Variants in BCL2L13 observed in about 807,000 individuals in gnomAD.
The protein encoded by BCL2L13 is BCL2 like 13.
In BCL2L13, 13 loss-of-function variants were observed where a neutral mutation model predicts 25.8. The ratio of observed to expected loss-of-function variants is 0.50; its 90% CI spans 0.33 to 0.80. The LOEUF (loss-of-function observed/expected upper bound fraction) is 0.80. BCL2L13 is among the 30% of genes least tolerant of loss of function. The probability of loss-of-function intolerance (pLI) is 0.02; values close to 1 mark genes in which losing one functional copy is unlikely to be tolerated. For missense variants in BCL2L13, 504 were observed against 574.9 expected, an observed-to-expected ratio of 0.88 and a Z score of 1.26; for synonymous variants, 244 against 230.3, an observed-to-expected ratio of 1.06 and a Z score of -0.54.
intron 4 of BCL2L13, among the ~76,000 whole-genome samples, chr22:17,691,787 A>T (rs2060115010): frequency 6.6e-6 from 1 of 152,212 alleles, no homozygotes; most frequent in Non-Finnish European, 1.5e-5. Context: ...AAACAGTGTT[A>T]TGTAAGTTTT....
intron 2 of BCL2L13, among the ~76,000 whole-genome samples, chr22:17,669,847 T>G (rs1478752805): frequency 6.6e-6 from 1 of 152,130 alleles, no homozygotes; most frequent in Admixed American, 6.5e-5. Flanking sequence ...GGGACTCTGT[T>G]TGAGGTCAAA....
At chr22:17,629,800 A>C (rs2057966514) in intron 1 of BCL2L13, among the ~76,000 whole-genome samples, 1 of 147,566 alleles carries the variant, frequency 6.8e-6, no homozygotes, top group Non-Finnish European at 1.5e-5. Context: ...CTACATGTAC[A>C]TTAACACTTT....
intron 6 of BCL2L13, among the ~76,000 whole-genome samples, chr22:17,704,147 G>A (rs940971552): frequency 3.9e-5 from 6 of 151,974 alleles, no homozygotes; most frequent in Non-Finnish European, 8.8e-5. Context: ...AGTGCAGTGC[G>A]CAATTGCAGC....
chr22:17,716,691 C>T (rs765956358), intron 6 of BCL2L13, among the ~76,000 whole-genome samples: 3 of 152,132 alleles, frequency 2.0e-5, no homozygotes, highest in African/African-American at 4.8e-5. Context: ...ATGAGTTTGC[C>T]GGCTTGCTTT....
intron 1 of BCL2L13, among the ~76,000 whole-genome samples, chr22:17,655,326 G>A (rs2058820444): frequency 6.7e-6 from 1 of 150,240 alleles, no homozygotes; most frequent in Non-Finnish European, 1.5e-5. Context: ...AAATAAGCAG[G>A]AGTATACTCT....
intron 1 of BCL2L13, among the ~76,000 whole-genome samples, chr22:17,647,066 C>T (rs1004534365): frequency 1.3e-4 from 20 of 149,120 alleles, no homozygotes; most frequent in African/African-American, 3.0e-4. Context: ...CTCCGCCTCC[C>T]GGGTTCACAC....
At chr22:17,674,520 C>T (rs1185655737) in intron 2 of BCL2L13, among the ~76,000 whole-genome samples, 1 of 150,580 alleles carries the variant, frequency 6.6e-6, no homozygotes, top group Non-Finnish European at 1.5e-5. Context: ...GTGGGAAAAT[C>T]ATTTGAACCC....
intron 6 of BCL2L13, among the ~76,000 whole-genome samples, chr22:17,709,774 TAAAAC>T (rs2060694211): frequency 1.3e-5 from 2 of 151,320 alleles, no homozygotes. Context: ...AGAGTGCTAT[TAAAAC>T]AAAAGAAAAC....
At chr22:17,653,495 ATTTTTT>A (rs34652783) in intron 1 of BCL2L13, among the ~76,000 whole-genome samples, 1 of 110,722 alleles carries the variant, frequency 9.0e-6, no homozygotes. Flanking sequence ...CTCCAGTATG[ATTTTTT>A]TTTTTTTTTT....
intron 1 of BCL2L13, 58 bp downstream of exon 1, chr22:17,638,944 G>T: frequency 8.3e-7 from 1 of 1,206,254 alleles, no homozygotes. Context: ...TTTTCACCTG[G>T]GTAGGAAAGT....
At chr22:17,685,981 C>T (rs184653060) in intron 3 of BCL2L13, among the ~76,000 whole-genome samples, 34 of 151,216 alleles carry the variant, frequency 2.2e-4, no homozygotes, top group Non-Finnish European at 4.7e-4. Context: ...ACCGTGTTAG[C>T]CAGGATGTTC....
At chr22:17,629,490 A>G (rs1346303527) in intron 1 of BCL2L13, among the ~76,000 whole-genome samples, 6 of 152,258 alleles carry the variant, frequency 3.9e-5, no homozygotes, top group Admixed American at 3.3e-4. Flanking sequence ...ATTTAGAGGA[A>G]TATTAGGACA....
At chr22:17,656,593 C>A (rs1341089684) in intron 2 of BCL2L13, among the ~76,000 whole-genome samples, 1 of 151,640 alleles carries the variant, frequency 6.6e-6, no homozygotes, top group African/African-American at 2.4e-5. Flanking sequence ...GGTGATCGCC[C>A]GCCTCGGCCT....
chr22:17,701,220 G>A (rs1292695498), intron 5 of BCL2L13, among the ~76,000 whole-genome samples: 1 of 151,992 alleles, frequency 6.6e-6, no homozygotes, highest in African/African-American at 2.4e-5. Flanking sequence ...TTTGACTTTT[G>A]ATGAGTTTTA....
At position 17,695,571 on chromosome 22, in the gene BCL2L13, C is replaced by T. The variant is rs189379063; in HGVS notation, c.387-570C>T. Reference sequence around the variant, plus strand: ...TCCTGACTTCGTGATCCACCTGCCTCGGCCTCTCAAAGTGCTGGGATTACA... The same window carrying T: ...TCCTGACTTCGTGATCCACCTGCCTTGGCCTCTCAAAGTGCTGGGATTACA... On this transcript the variant is annotated intron_variant, in intron 4 of 6. Coordinates refer to ENST00000317582, the MANE Select transcript of BCL2L13 (RefSeq NM_015367.4). Among the ~76,000 whole-genome samples, 308 of 152,132 alleles carry T rather than the reference C, an allele frequency of 2.0e-3. 2 individuals carry two copies. The highest frequency in any genetic ancestry group is 7.0e-3 in the African/African-American group (291 of 41,504).
At chr22:17,712,918 G>A (rs990136427) in intron 6 of BCL2L13, among the ~76,000 whole-genome samples, 5 of 152,170 alleles carry the variant, frequency 3.3e-5, no homozygotes, top group African/African-American at 9.7e-5. Flanking sequence ...TTCAGTGGAT[G>A]AAGCGATTTA....
At chr22:17,706,285 C>T (rs2060588266) in intron 6 of BCL2L13, among the ~76,000 whole-genome samples, 1 of 151,830 alleles carries the variant, frequency 6.6e-6, no homozygotes, top group Admixed American at 6.6e-5. Context: ...GCTGGGATTA[C>T]AGGCATGCGC....
chr22:17,710,067 TAAAAAAAAAA>T (rs71201876), intron 6 of BCL2L13, among the ~76,000 whole-genome samples: 6 of 91,806 alleles, frequency 6.5e-5, no homozygotes, highest in African/African-American at 2.5e-4. Context: ...GACCTTGTCT[TAAAAAAAAAA>T]AAAAAAAAAA....
chr22:17,722,255 A>ATC lies in BCL2L13; in HGVS notation c.601-4420_601-4419dup, dbSNP rs547194078. Among the ~76,000 whole-genome samples the ATC allele has an allele frequency of 3.0e-3, 452 of 152,146 alleles. 9 individuals carry two copies. Among genetic ancestry groups the ATC allele is most frequent in the Non-Finnish European group, 6.9e-4 (47 of 68,012 alleles). ...CTGTTTTTTTTGGAATTGAGACAAG[A>ATC]TCTTGCTCTGTCATCCAGGCTGGAC... On this transcript the variant is annotated intron_variant, in intron 6 of 6. Coordinates refer to ENST00000317582, the MANE Select transcript of BCL2L13 (RefSeq NM_015367.4).
Sources: gnomAD v4.1 joint callset for allele counts (sites outside exome capture counted in the v4.1 genomes callset) on GRCh38, gnomAD v4.1.1 for gene constraint, MANE v1.5 for transcripts, NCBI Gene and HGNC (gene_info 2026-07-23, HGNC 2026-07-21) for gene names.